EPHA5: variants seen among roughly 807,000 people sequenced by gnomAD.
EPHA5 encodes the protein ephrin type-A receptor 5.
A neutral mutation model predicts 105.0 loss-of-function variants in EPHA5; 60 were observed. The observed-to-expected ratio is 0.57, with a 90% CI of 0.46 to 0.71. The LOEUF (loss-of-function observed/expected upper bound fraction) is 0.71, where lower values mean the gene tolerates loss of function less well. Ranked by LOEUF, EPHA5 falls within the 30% of genes least tolerant of loss-of-function variation. The probability of loss-of-function intolerance (pLI) is 0.00; values close to 1 mark genes in which losing one functional copy is unlikely to be tolerated. For synonymous variants in EPHA5, 513 were observed against 449.1 expected, an observed-to-expected ratio of 1.14 and a Z score of -1.80; for missense variants, 1,218 against 1,274.7, an observed-to-expected ratio of 0.96 and a Z score of 0.68.
chr4:65,579,810 C>G (rs1409528018), intron 3 of EPHA5, among the ~76,000 whole-genome samples: 1 of 151,752 alleles, frequency 6.6e-6, no homozygotes, highest in Non-Finnish European at 1.5e-5. Flanking sequence ...AATAATAGAA[C>G]CTCCTGAGTT....
intron 12 of EPHA5, among the ~76,000 whole-genome samples, chr4:65,352,261 A>G (rs1040830808): frequency 2.6e-5 from 4 of 151,966 alleles, no homozygotes; most frequent in Non-Finnish European, 4.4e-5. Context: ...GAAAAATTTG[A>G]CTTTTCAGTG....
At chr4:65,500,815 ATG>A (rs1732410991) in intron 3 of EPHA5, among the ~76,000 whole-genome samples, 1 of 76,908 alleles carries the variant, frequency 1.3e-5, no homozygotes. Flanking sequence ...ACAGCCATAT[ATG>A]TGTGCGTATA....
In EPHA5 at chr4:65,570,280, G is replaced by T. The variant is rs150877073; in HGVS notation, c.910+31361C>A. 9.2e-4 allele frequency among the ~76,000 whole-genome samples: 140 copies of T among 151,868 alleles called. 2 individuals are homozygous for T. The East Asian group carries it at 0.023, about 25-fold the overall frequency. ...TATAATCCAGAAAGCTTTAAAATCA[G>T]ATATTATCAAGCTATTTTCTTTAAT... On this transcript the variant is annotated intron_variant, in intron 3 of 16. Transcript: ENST00000613740.
intron 5 of EPHA5, among the ~76,000 whole-genome samples, chr4:65,461,927 A>C (rs953706908): frequency 1.3e-5 from 2 of 152,108 alleles, no homozygotes; most frequent in Non-Finnish European, 2.9e-5. Flanking sequence ...CAATAACAGA[A>C]TATAATTGAT....
At chr4:65,618,130 A>G (rs1039422520) in intron 2 of EPHA5, among the ~76,000 whole-genome samples, 2 of 152,166 alleles carry the variant, frequency 1.3e-5, no homozygotes, top group African/African-American at 2.4e-5. Context: ...ACACTGGGAC[A>G]CAGATTGTCT....
At chr4:65,489,064 ATTATTT>A in intron 5 of EPHA5, among the ~76,000 whole-genome samples, 1 of 151,364 alleles carries the variant, frequency 6.6e-6, no homozygotes, top group South Asian at 2.1e-4. Flanking sequence ...TTTTTTTATT[ATTATTT>A]TTATTTTTAG....
chr4:65,351,495 A>G lies in EPHA5; in HGVS notation c.2339T>C (p.Leu780Pro). ...LSDMGYVHRD[L>P]AARNILINSN... ...GTTGATTAAGATGTTTCTGGCAGCAAGATCTCTATGCACATAGCCCATGTC... is the reference window on the plus strand; with the variant it reads ...GTTGATTAAGATGTTTCTGGCAGCAGGATCTCTATGCACATAGCCCATGTC... Residue 780 changes from leucine to proline, a missense_variant, in exon 13 of 17, where the codon CTT (leucine) becomes CCT (proline). Leu to Pro is a moderately conservative substitution (Grantham distance 98). This residue lies in a region of EPHA5 where 971 missense variants were observed against 1,013.5 expected (regional missense o/e 0.96). Transcript: ENST00000613740. 1 of 1,613,866 alleles carries G rather than the reference A, an allele frequency of 6.2e-7. No individual in the cohort carries two copies.
chr4:65,339,519 C>T (rs1185668361), intron 14 of EPHA5, among the ~76,000 whole-genome samples: 1 of 152,014 alleles, frequency 6.6e-6, no homozygotes, highest in Non-Finnish European at 1.5e-5. Context: ...TATAAATAAA[C>T]AAGAGTTAAG....
chr4:65,337,455 T>C (rs1035851920), intron 14 of EPHA5, among the ~76,000 whole-genome samples: 21 of 152,056 alleles, frequency 1.4e-4, no homozygotes, highest in African/African-American at 4.3e-4. Context: ...TCAAAGACAA[T>C]TTTTAAGCAT....
chr4:65,390,156 T>G (rs1483972301), intron 8 of EPHA5, among the ~76,000 whole-genome samples: 1 of 152,014 alleles, frequency 6.6e-6, no homozygotes, highest in Admixed American at 6.6e-5. Flanking sequence ...GGCTAGCCAG[T>G]TCCTAGAAGT....
intron 6 of EPHA5, among the ~76,000 whole-genome samples, chr4:65,415,239 A>G (rs540946547): frequency 6.6e-6 from 1 of 152,152 alleles, no homozygotes; most frequent in Non-Finnish European, 1.5e-5. Context: ...GCTCAAATAT[A>G]ACGGGTCCAT....
chr4:65,543,610 A>T (rs1478258911), intron 3 of EPHA5, among the ~76,000 whole-genome samples: 1 of 151,954 alleles, frequency 6.6e-6, no homozygotes, highest in South Asian at 2.1e-4. Flanking sequence ...ATTCTCATAG[A>T]TTGGAAGAAT....
At chr4:65,499,118 G>A (rs571740506) in intron 3 of EPHA5, among the ~76,000 whole-genome samples, 14 of 151,634 alleles carry the variant, frequency 9.2e-5, no homozygotes, top group African/African-American at 3.4e-4. Context: ...ACTATCAGCT[G>A]ATACAGTCAT....
chr4:65,469,125 C>T (rs1729045433), intron 5 of EPHA5, among the ~76,000 whole-genome samples: 1 of 152,090 alleles, frequency 6.6e-6, no homozygotes, highest in Admixed American at 6.5e-5. Flanking sequence ...GTAATTGCTC[C>T]AGCCATTTTG....
chr4:65,419,030 C>A (rs1382564093), intron 6 of EPHA5, among the ~76,000 whole-genome samples: 1 of 151,188 alleles, frequency 6.6e-6, no homozygotes, highest in Non-Finnish European at 1.5e-5. Flanking sequence ...ATTACAGGTG[C>A]CCGCTACCAC....
chr4:65,652,846 A>C (rs1382041505), intron 1 of EPHA5, among the ~76,000 whole-genome samples: 1 of 152,120 alleles, frequency 6.6e-6, no homozygotes, highest in African/African-American at 2.4e-5. Context: ...ATAAGTTACA[A>C]GATTCCAGAA....
chr4:65,402,800 A>ATGGTAGTTTTCC (rs1285401738), intron 8 of EPHA5, among the ~76,000 whole-genome samples: 1 of 152,192 alleles, frequency 6.6e-6, no homozygotes, highest in Admixed American at 6.6e-5. Flanking sequence ...ACATTGTCAC[A>ATGGTAGTTTTCC]TGGTAGTTTT....
intron 3 of EPHA5, among the ~76,000 whole-genome samples, chr4:65,541,188 A>T (rs1736793529): frequency 6.6e-6 from 1 of 151,586 alleles, no homozygotes. Context: ...GAATAAATGG[A>T]ATCAACTAGT....
At chr4:65,595,592 T>TA (rs1743093660) in intron 3 of EPHA5, among the ~76,000 whole-genome samples, 5 of 151,502 alleles carry the variant, frequency 3.3e-5, no homozygotes, top group African/African-American at 7.3e-5. Context: ...TTTTTTTTTT[T>TA]TTTTTTGAGA....
Sources: gnomAD v4.1 joint callset for allele counts (sites outside exome capture counted in the v4.1 genomes callset) on GRCh38, gnomAD v4.1.1 for gene constraint, gnomAD v4.1.1 regional missense constraint, MANE v1.5 for transcripts, NCBI Gene and HGNC (gene_info 2026-07-23, HGNC 2026-07-21) for gene names.